The following EIF2B3 variants were observed in gnomAD, a reference collection of about 807,000 sequenced individuals.
The protein encoded by EIF2B3 is translation initiation factor eIF2B subunit gamma.
EIF2B3 carries 20 observed loss-of-function variants against 54.1 expected under a neutral mutation model. The ratio of observed to expected loss-of-function variants is 0.37; its 90% confidence interval spans 0.26 to 0.54. The LOEUF is 0.54. Ranked by LOEUF, EIF2B3 falls within the 20% of genes least tolerant of loss-of-function variation. The pLI, the probability that EIF2B3 is intolerant of heterozygous loss-of-function variation, is 0.86. For missense variants in EIF2B3, 448 were observed against 547.8 expected (o/e 0.82, Z 1.82); for synonymous variants, 153 against 188.1 (o/e 0.81, Z 1.52).
intron 3 of EIF2B3, among the ~76,000 whole-genome samples, chr1:44,954,113 G>C (rs1433555956): frequency 6.6e-6 from 1 of 152,108 alleles, no homozygotes; most frequent in African/African-American, 2.4e-5. Context: ...AATTAAAAGT[G>C]AAAATACAAT....
chr1:44,882,514 C>G (rs1655436697), intron 6 of EIF2B3, among the ~76,000 whole-genome samples: 1 of 151,856 alleles, frequency 6.6e-6, no homozygotes, highest in Non-Finnish European at 1.5e-5. Context: ...GCGATCTCAG[C>G]TCACTGCAAC....
chr1:44,971,154 C>T (rs953131774), intron 3 of EIF2B3, among the ~76,000 whole-genome samples: 9 of 152,018 alleles, frequency 5.9e-5, no homozygotes, highest in East Asian at 1.9e-4. Context: ...GAGGCCGAGG[C>T]GGGCGGATCC....
intron 10 of EIF2B3, among the ~76,000 whole-genome samples, chr1:44,872,229 C>T (rs1022669911): frequency 2.6e-5 from 4 of 152,066 alleles, no homozygotes; most frequent in Admixed American, 6.6e-5. Flanking sequence ...GATGTGGTTT[C>T]GTCATGTTGC....
chr1:44,917,140 C>T (rs1291366829), intron 5 of EIF2B3, among the ~76,000 whole-genome samples: 1 of 152,092 alleles, frequency 6.6e-6, no homozygotes, highest in African/African-American at 2.4e-5. Context: ...ATCCCTGAAG[C>T]TTCATAAGTA....
At chr1:44,964,146 A>C (rs79294639) in intron 3 of EIF2B3, among the ~76,000 whole-genome samples, 1 of 151,716 alleles carries the variant, frequency 6.6e-6, no homozygotes, top group Non-Finnish European at 1.5e-5. Flanking sequence ...AAAAAAAAAA[A>C]AGACTCCAAA....
chr1:44,910,856 T>A (rs1444326657), intron 5 of EIF2B3, among the ~76,000 whole-genome samples: 1 of 151,966 alleles, frequency 6.6e-6, no homozygotes, highest in Non-Finnish European at 1.5e-5. Flanking sequence ...CTTTTTTAAA[T>A]TTTTTTTCCA....
At position 44,850,896 on chromosome 1, in the gene EIF2B3, G is replaced by A. The variant is rs1010809766; in HGVS notation, c.*55C>T. ...AAATACAGAGTTAAACAGGTGGGCCGGCCAACATCTGTGGCTTTGGAGGCC... is the reference window on the plus strand; with the variant it reads ...AAATACAGAGTTAAACAGGTGGGCCAGCCAACATCTGTGGCTTTGGAGGCC... On this transcript the variant is annotated 3_prime_UTR_variant, in exon 12 of 12. Coordinates refer to ENST00000360403, the MANE Select transcript of EIF2B3 (RefSeq NM_020365.5). 5.2e-5 allele frequency: 82 copies of A among 1,590,276 alleles called. No individual in the cohort carries two copies. The highest frequency in any genetic ancestry group is 6.7e-5 in the Admixed American group (4 of 59,938).
At chr1:44,855,079 G>A (rs774492292) in intron 11 of EIF2B3, among the ~76,000 whole-genome samples, 2 of 149,402 alleles carry the variant, frequency 1.3e-5, no homozygotes, top group African/African-American at 5.0e-5. Flanking sequence ...TTCACCATAC[G>A]GCTCAGTCTC....
chr1:44,851,987 C>A (rs1654284536), intron 11 of EIF2B3, among the ~76,000 whole-genome samples: 1 of 149,884 alleles, frequency 6.7e-6, no homozygotes, highest in Non-Finnish European at 1.5e-5. Flanking sequence ...CTTGCTTTGT[C>A]ACCCAGGCTG....
chr1:44,891,078 A>G (rs866908300), intron 6 of EIF2B3, among the ~76,000 whole-genome samples: 8 of 112,812 alleles, frequency 7.1e-5, no homozygotes, highest in Non-Finnish European at 1.3e-4. Flanking sequence ...GGTAGATGGG[A>G]AAAAAAAGAG....
chr1:44,854,279 A>G (rs1386288689), intron 11 of EIF2B3, among the ~76,000 whole-genome samples: 1 of 152,134 alleles, frequency 6.6e-6, no homozygotes, highest in African/African-American at 2.4e-5. Context: ...CTGGGATTAC[A>G]GGCGTGAGCT....
chr1:44,887,612 C>T (rs2133501), intron 6 of EIF2B3, among the ~76,000 whole-genome samples: 21,238 of 152,180 alleles, frequency 0.14, 1,672 homozygotes, highest in Non-Finnish European at 0.17. Context: ...GATATGCAGA[C>T]GCTTCTAAAA....
chr1:44,864,010 C>G (rs928247370), intron 10 of EIF2B3, among the ~76,000 whole-genome samples: 75 of 152,230 alleles, frequency 4.9e-4, no homozygotes, highest in African/African-American at 1.4e-3. Flanking sequence ...TGTATGCCCC[C>G]CTTCACTATA....
At chr1:44,945,471 A>G (rs897222306) in intron 3 of EIF2B3, among the ~76,000 whole-genome samples, 8 of 151,480 alleles carry the variant, frequency 5.3e-5, no homozygotes, top group African/African-American at 1.9e-4. Context: ...GGAGAATGGC[A>G]TGAACCCAGG....
At chr1:44,852,323 T>A (rs12738183) in intron 11 of EIF2B3, among the ~76,000 whole-genome samples, 20 of 152,034 alleles carry the variant, frequency 1.3e-4, no homozygotes, top group African/African-American at 4.8e-4. Context: ...CCCCTCCATT[T>A]TTTCCTGTTG....
At chr1:44,929,407 T>G (rs1643878278) in intron 4 of EIF2B3, among the ~76,000 whole-genome samples, 2 of 152,216 alleles carry the variant, frequency 1.3e-5, no homozygotes, top group South Asian at 4.1e-4. Context: ...ACCAATCAGA[T>G]GGTCTCTGGT....
At chr1:44,870,598 A>C (rs1170395210) in intron 10 of EIF2B3, among the ~76,000 whole-genome samples, 1 of 148,126 alleles carries the variant, frequency 6.8e-6, no homozygotes, top group African/African-American at 2.5e-5. Context: ...CATGTCACAC[A>C]CTCTCCTTGG....
At chr1:44,962,399 T>A (rs568920759) in intron 3 of EIF2B3, among the ~76,000 whole-genome samples, 99 of 152,266 alleles carry the variant, frequency 6.5e-4, no homozygotes, top group Non-Finnish European at 1.3e-3. Context: ...CATCCTTAGG[T>A]TCACATAAAC....
intron 4 of EIF2B3, among the ~76,000 whole-genome samples, chr1:44,927,007 C>A (rs1643862221): frequency 1.3e-5 from 2 of 151,014 alleles, no homozygotes; most frequent in African/African-American, 4.9e-5. Flanking sequence ...TGGTGTTACG[C>A]CCTGTAGTCC....
Sources: allele counts gnomAD v4.1 joint callset (sites outside exome capture counted in the v4.1 genomes callset), GRCh38; gene constraint gnomAD v4.1.1; transcripts MANE v1.5; gene names NCBI Gene and HGNC (gene_info 2026-07-23, HGNC 2026-07-21).